Variants in VWC2L observed in about 807,000 individuals in gnomAD.
VWC2L encodes the protein von Willebrand factor C domain containing 2 like, also known as von Willebrand factor C domain-containing protein 2-like.
Under a neutral mutation model 21.6 loss-of-function variants are expected in VWC2L, and 10 were observed. The ratio of observed to expected loss-of-function variants is 0.46; its 90% CI spans 0.29 to 0.78. The LOEUF is 0.78. Among genes scored for constraint, VWC2L ranks in the 30% least tolerant of loss-of-function variants. The pLI, the probability that VWC2L is intolerant of heterozygous loss-of-function variation, is 0.10. For synonymous variants in VWC2L, 96 were observed against 94.3 expected (o/e 1.02, Z -0.10); for missense variants, 209 against 277.1 (o/e 0.75, Z 1.74).
At chr2:214,459,902 C>CTTTTTTTTTTTTT (rs57351904) in intron 3 of VWC2L, among the ~76,000 whole-genome samples, 3 of 85,160 alleles carry the variant, frequency 3.5e-5, no homozygotes, top group African/African-American at 5.1e-5. Flanking sequence ...TTTCCTTTGA[C>CTTTTTTTTTTTTT]TTTTTTTTTT....
chr2:214,568,901 T>G (rs1300522683), intron 3 of VWC2L, among the ~76,000 whole-genome samples: 1 of 152,168 alleles, frequency 6.6e-6, no homozygotes, highest in Non-Finnish European at 1.5e-5. Flanking sequence ...CCTGGTCTCC[T>G]AAGGGACCCC....
chr2:214,563,006 A>C (rs976677246), intron 3 of VWC2L, among the ~76,000 whole-genome samples: 5 of 151,988 alleles, frequency 3.3e-5, no homozygotes, highest in Non-Finnish European at 7.4e-5. Flanking sequence ...ACTGCTTTTG[A>C]TTATTTTGTC....
chr2:214,535,339 T>C (rs905195153), intron 3 of VWC2L, among the ~76,000 whole-genome samples: 6 of 152,086 alleles, frequency 3.9e-5, no homozygotes, highest in Non-Finnish European at 7.4e-5. Context: ...AAAGAAACTT[T>C]TTGTTAAAGT....
intron 3 of VWC2L, among the ~76,000 whole-genome samples, chr2:214,453,625 T>A (rs1423517811): frequency 6.6e-6 from 1 of 152,222 alleles, no homozygotes; most frequent in Non-Finnish European, 1.5e-5. Context: ...GTCTCTCCAT[T>A]TATTTAGTTC....
chr2:214,461,954 G>A (rs1703149242), intron 3 of VWC2L, among the ~76,000 whole-genome samples: 2 of 152,212 alleles, frequency 1.3e-5, no homozygotes, highest in East Asian at 1.9e-4. Context: ...CTCGTTCCCT[G>A]TAGGACACTG....
intron 3 of VWC2L, among the ~76,000 whole-genome samples, chr2:214,519,903 C>T (rs73989060): frequency 0.031 from 4,672 of 152,130 alleles, 229 homozygotes; most frequent in African/African-American, 0.11. Context: ...AGATACATTA[C>T]AATAATCTAC....
intron 3 of VWC2L, among the ~76,000 whole-genome samples, chr2:214,554,942 C>A (rs1177648528): frequency 2.0e-5 from 3 of 152,140 alleles, no homozygotes; most frequent in Admixed American, 2.0e-4. Flanking sequence ...ATCCTCCTTC[C>A]CTTTCCTGGC....
intron 3 of VWC2L, among the ~76,000 whole-genome samples, chr2:214,568,297 G>A (rs532293470): frequency 3.3e-5 from 5 of 152,162 alleles, no homozygotes; most frequent in African/African-American, 1.2e-4. Flanking sequence ...TTGTTTTTGT[G>A]CATTTTGCCT....
intron 3 of VWC2L, among the ~76,000 whole-genome samples, chr2:214,518,780 A>T (rs1408676426): frequency 6.6e-6 from 1 of 152,232 alleles, no homozygotes; most frequent in Admixed American, 6.5e-5. Flanking sequence ...AAAGAATGTT[A>T]GTAATCAGAA....
chr2:214,562,564 G>A (rs10186375), intron 3 of VWC2L, among the ~76,000 whole-genome samples: 36,347 of 152,136 alleles, frequency 0.24, 4,543 homozygotes, highest in Middle Eastern at 0.32. Flanking sequence ...TGAGGAATCA[G>A]CACACCGTCT....
rs530197400 is a variant in VWC2L at position 214,524,031 on chromosome 2, T to C, written c.521-51641T>C. Among the ~76,000 whole-genome samples the C allele has an allele frequency of 2.0e-4, 30 of 152,300 alleles. No homozygotes were observed. In the South Asian group the frequency reaches 5.8e-3, roughly 29 times the overall value. ...AGAAAATCCATGTCTTATATAGTCA[T>C]AAAGTTATCTTAAATCATTATTACA... On this transcript the variant is annotated intron_variant, in intron 3 of 3. Coordinates refer to ENST00000312504, the MANE Select transcript of VWC2L (RefSeq NM_001080500.4).
At chr2:214,549,489 C>T (rs372617196) in intron 3 of VWC2L, among the ~76,000 whole-genome samples, 1 of 152,236 alleles carries the variant, frequency 6.6e-6, no homozygotes, top group Non-Finnish European at 1.5e-5. Context: ...AAAAAGTTGG[C>T]TTAGGCCAGG....
At chr2:214,487,679 C>T (rs1331556060) in intron 3 of VWC2L, among the ~76,000 whole-genome samples, 3 of 152,234 alleles carry the variant, frequency 2.0e-5, no homozygotes, top group Admixed American at 2.0e-4. Flanking sequence ...AAGCAAGAGT[C>T]CCTGGAGCAA....
At chr2:214,562,760 A>G (rs1295252609) in intron 3 of VWC2L, among the ~76,000 whole-genome samples, 2 of 152,130 alleles carry the variant, frequency 1.3e-5, no homozygotes, top group Non-Finnish European at 2.9e-5. Context: ...TTTTCTCTGC[A>G]TATCTTCTTT....
At chr2:214,474,231 C>T (rs1179438913) in intron 3 of VWC2L, among the ~76,000 whole-genome samples, 1 of 152,044 alleles carries the variant, frequency 6.6e-6, no homozygotes, top group Non-Finnish European at 1.5e-5. Flanking sequence ...AGAGAAGAGT[C>T]TATGTCACAC....
intron 3 of VWC2L, among the ~76,000 whole-genome samples, chr2:214,505,461 T>G (rs1688954887): frequency 6.6e-6 from 1 of 152,174 alleles, no homozygotes; most frequent in African/African-American, 2.4e-5. Context: ...GTTCCATGTG[T>G]TCATAACTCC....
At chr2:214,473,113 T>C (rs1331886351) in intron 3 of VWC2L, among the ~76,000 whole-genome samples, 2 of 152,146 alleles carry the variant, frequency 1.3e-5, no homozygotes, top group African/African-American at 4.8e-5. Flanking sequence ...AAATATTAAA[T>C]GAAAAGTCTG....
intron 3 of VWC2L, among the ~76,000 whole-genome samples, chr2:214,525,981 G>C (rs1689327509): frequency 6.6e-6 from 1 of 151,942 alleles, no homozygotes; most frequent in South Asian, 2.1e-4. Context: ...ATTTGGAACA[G>C]TGTTCTATAT....
rs189244039 is a variant in VWC2L, at chr2:214,494,499, T to G, written c.520+57741T>G. On this transcript the variant is annotated intron_variant, in intron 3 of 3. Coordinates refer to ENST00000312504, the MANE Select transcript of VWC2L (RefSeq NM_001080500.4). ...GAGTTTCCCAGATGAGAGTCAGGAA[T>G]GACTTGGGCCTTTTTCCTCTTCCAA... 5.3e-5 allele frequency among the ~76,000 whole-genome samples: 8 copies of G among 152,332 alleles called. No individual in the cohort carries two copies. In the East Asian group the frequency reaches 1.5e-3, roughly 29 times the overall value.
Sources: allele counts gnomAD v4.1 joint callset (sites outside exome capture counted in the v4.1 genomes callset), GRCh38; gene constraint gnomAD v4.1.1; transcripts MANE v1.5; gene names NCBI Gene and HGNC (gene_info 2026-07-23, HGNC 2026-07-21).